The following ESR1 variants were observed in gnomAD, a reference collection of about 807,000 sequenced individuals.
ESR1 encodes the protein estrogen receptor.
In ESR1, 12 loss-of-function variants were observed where a neutral mutation model predicts 52.7. The observed-to-expected ratio is 0.23, with a 90% CI of 0.15 to 0.37. The LOEUF (loss-of-function observed/expected upper bound fraction) is 0.37, where lower values mean the gene tolerates loss of function less well. ESR1 is among the 10% of genes least tolerant of loss of function. ESR1 has a pLI of 1.00. For missense variants in ESR1, 584 were observed against 779.7 expected (o/e 0.75, Z 2.99); for synonymous variants, 305 against 316.8 (o/e 0.96, Z 0.39).
chr6:151,801,634 T>G (rs573503356), upstream of ESR1, among the ~76,000 whole-genome samples: 123 of 152,340 alleles, frequency 8.1e-4, no homozygotes, highest in African/African-American at 2.9e-3. Flanking sequence ...AAAGGCTGTT[T>G]AAAAACATGT....
At chr6:151,870,283 T>G (rs189080879) in intron 2 of ESR1, among the ~76,000 whole-genome samples, 6 of 152,318 alleles carry the variant, frequency 3.9e-5, no homozygotes, top group East Asian at 1.9e-4. Flanking sequence ...ATACTTTTTT[T>G]GGGTTACTCT....
At chr6:152,082,031 G>A (rs939299772) in intron 6 of ESR1, among the ~76,000 whole-genome samples, 1 of 152,122 alleles carries the variant, frequency 6.6e-6, no homozygotes, top group Admixed American at 6.5e-5. Context: ...TCTACCAGAG[G>A]TACAAAGAGG....
At chr6:151,686,753 C>T (rs949932848), upstream of ESR1, among the ~76,000 whole-genome samples, 5 of 151,982 alleles carry the variant, frequency 3.3e-5, no homozygotes, top group Admixed American at 3.3e-4. Flanking sequence ...GCCCTGGATG[C>T]ATGTTTAAGG....
chr6:151,937,693 A>G (rs2034530248), intron 3 of ESR1, among the ~76,000 whole-genome samples: 2 of 152,202 alleles, frequency 1.3e-5, no homozygotes, highest in African/African-American at 4.8e-5. Flanking sequence ...AGGCTGTGAT[A>G]ACACTAATAA....
chr6:152,080,111 G>T (rs1034082636), intron 6 of ESR1, among the ~76,000 whole-genome samples: 2 of 152,160 alleles, frequency 1.3e-5, no homozygotes, highest in Non-Finnish European at 2.9e-5. Flanking sequence ...TAGCAAGGCA[G>T]GCCAACATTC....
intron 4 of ESR1, among the ~76,000 whole-genome samples, chr6:151,992,372 C>T (rs774616686): frequency 6.6e-6 from 1 of 152,136 alleles, no homozygotes; most frequent in Non-Finnish European, 1.5e-5. Context: ...TCTTTCTACG[C>T]GTTTAACTAC....
At chr6:152,063,176 C>G (rs899324035) in intron 6 of ESR1, among the ~76,000 whole-genome samples, 1 of 152,162 alleles carries the variant, frequency 6.6e-6, no homozygotes, top group African/African-American at 2.4e-5. Context: ...TGTTCCTTCG[C>G]TTCTTTCTTA....
intron 6 of ESR1, among the ~76,000 whole-genome samples, chr6:152,081,000 A>G (rs954283278): frequency 6.6e-6 from 1 of 152,162 alleles, no homozygotes; most frequent in Non-Finnish European, 1.5e-5. Flanking sequence ...ACGAAGAGAC[A>G]TAGACTCCCA....
intron 1 of ESR1, among the ~76,000 whole-genome samples, chr6:151,681,094 C>T (rs1778442216): frequency 6.6e-6 from 1 of 152,322 alleles, no homozygotes; most frequent in South Asian, 2.1e-4. Context: ...GCTCAGTCAA[C>T]CAGTTGGGGC....
At chr6:151,944,968 C>A (rs992924474) in intron 4 of ESR1, among the ~76,000 whole-genome samples, 3 of 152,156 alleles carry the variant, frequency 2.0e-5, no homozygotes, top group Admixed American at 6.5e-5. Flanking sequence ...GTAATCCTAG[C>A]ACTTTTTGGG....
chr6:151,686,552 G>A (rs756632213), upstream of ESR1, among the ~76,000 whole-genome samples: 1 of 152,184 alleles, frequency 6.6e-6, no homozygotes, highest in Non-Finnish European at 1.5e-5. Flanking sequence ...GCCGGGCGTG[G>A]CGGCGGGCAC....
intron 2 of ESR1, among the ~76,000 whole-genome samples, chr6:151,771,457 A>G (rs1583211823): frequency 6.6e-6 from 1 of 152,194 alleles, no homozygotes; most frequent in African/African-American, 2.4e-5. Flanking sequence ...ATACGGCTGG[A>G]ATTTCTTGTG....
chr6:151,866,362 G>GT (rs1421959189), intron 2 of ESR1, among the ~76,000 whole-genome samples: 2 of 151,590 alleles, frequency 1.3e-5, no homozygotes, highest in Non-Finnish European at 2.9e-5. Flanking sequence ...TATACTTTAC[G>GT]TTTGGGGATA....
At chr6:151,762,083 T>A (rs1156831205) in intron 2 of ESR1, among the ~76,000 whole-genome samples, 2 of 152,216 alleles carry the variant, frequency 1.3e-5, no homozygotes, top group Admixed American at 6.5e-5. Flanking sequence ...TAACCAGATC[T>A]TAGTGGCTTT....
At chr6:151,880,285 C>T (rs917785581) in intron 2 of ESR1, among the ~76,000 whole-genome samples, 8 of 147,818 alleles carry the variant, frequency 5.4e-5, no homozygotes, top group African/African-American at 7.5e-5. Flanking sequence ...CGGGTTCAAG[C>T]GATTCTCCTG....
intron 2 of ESR1, among the ~76,000 whole-genome samples, chr6:151,725,289 T>C (rs1370115792): frequency 6.6e-6 from 1 of 152,204 alleles, no homozygotes; most frequent in South Asian, 2.1e-4. Flanking sequence ...TTGCCAAACA[T>C]CATTGATGTG....
chr6:151,864,862 C>T (rs1789569027), intron 2 of ESR1, among the ~76,000 whole-genome samples: 1 of 146,952 alleles, frequency 6.8e-6, no homozygotes, highest in African/African-American at 2.5e-5. Flanking sequence ...ACTGCATGTT[C>T]TCACTCATAG....
chr6:151,916,844 A>G (rs560768170), intron 3 of ESR1, among the ~76,000 whole-genome samples: 1 of 152,322 alleles, frequency 6.6e-6, no homozygotes, highest in South Asian at 2.1e-4. Context: ...GTTGTGTCAG[A>G]GATGTCTAAT....
At chr6:152,123,920 G>A (rs1396123915) in intron 6 of ESR1, among the ~76,000 whole-genome samples, 6 of 152,124 alleles carry the variant, frequency 3.9e-5, no homozygotes, top group Admixed American at 2.6e-4. Context: ...CCCTAATATC[G>A]GTGGGGGATG....
Sources: allele counts gnomAD v4.1 joint callset (sites outside exome capture counted in the v4.1 genomes callset), GRCh38; gene constraint gnomAD v4.1.1; transcripts MANE v1.5; gene names NCBI Gene and HGNC (gene_info 2026-07-23, HGNC 2026-07-21).